TDRKH: variants seen among roughly 807,000 people sequenced by gnomAD.
TDRKH encodes the protein tudor and KH domain containing, also known as tudor and KH domain-containing protein.
In TDRKH, 28 loss-of-function variants were observed where a neutral mutation model predicts 61.3. The observed-to-expected ratio is 0.46, with a 90% CI of 0.34 to 0.63. The LOEUF (loss-of-function observed/expected upper bound fraction) is 0.63, where lower values mean the gene tolerates loss of function less well. TDRKH is among the 20% of genes least tolerant of loss of function. TDRKH has a pLI of 0.01. For synonymous variants in TDRKH, 219 were observed against 244.4 expected (o/e 0.90, Z 0.97); for missense variants, 540 against 683.4 (o/e 0.79, Z 2.34).
intron 3 of TDRKH, among the ~76,000 whole-genome samples, 155 bp downstream of exon 3, chr1:151,781,326 A>ATATATATATAT (rs1553282714): frequency 1.3e-4 from 3 of 22,312 alleles, no homozygotes; most frequent in Admixed American, 6.5e-4. Context: ...TCAAAAAAAA[A>ATATATATATAT]AAATATATAT....
downstream of TDRKH, chr1:151,766,743 C>T (rs1361550779): frequency 1.8e-5 from 28 of 1,554,482 alleles, no homozygotes; most frequent in Non-Finnish European, 2.4e-5. Flanking sequence ...GAGGTGTCGC[C>T]CCTCTGTCTA....
chr1:151,777,959 G>A (rs1211198497), intron 6 of TDRKH, among the ~76,000 whole-genome samples: 1 of 152,002 alleles, frequency 6.6e-6, no homozygotes, highest in Non-Finnish European at 1.5e-5. Context: ...ATTACCATTT[G>A]AAGTACTTTG....
At chr1:151,766,883 TA>T (rs1558130979), downstream of TDRKH, 1 of 1,607,082 alleles carries the variant, frequency 6.2e-7, no homozygotes, top group Non-Finnish European at 8.5e-7. Context: ...CTCGTTGTTA[TA>T]AAAGGTACTT....
intron 1 of TDRKH, among the ~76,000 whole-genome samples, chr1:151,790,011 T>C (rs1338941465): frequency 3.3e-5 from 5 of 152,190 alleles, no homozygotes; most frequent in African/African-American, 1.2e-4. Context: ...GCCATCCTAT[T>C]AGCGATAACT....
chr1:151,770,629 C>T, downstream of TDRKH: 1 of 247,578 alleles, frequency 4.0e-6, no homozygotes, highest in Non-Finnish European at 7.7e-6. Context: ...ATGCCTGGAG[C>T]ATATGTTACA....
chr1:151,774,119 T>C lies in TDRKH; in HGVS notation c.*333A>G, dbSNP rs959891102. 2 of 251,456 alleles carry C rather than the reference T, an allele frequency of 8.0e-6. No individual in the cohort carries two copies. The highest frequency in any genetic ancestry group is 1.5e-5 in the Non-Finnish European group (2 of 131,376). 15.6% of individuals were successfully genotyped at this position (251,456 alleles called of 1,614,324 possible). A position where few individuals can be genotyped will look rare whatever the true frequency, so the allele number is the denominator to read the frequency against. On this transcript the variant is annotated 3_prime_UTR_variant, in exon 13 of 13. Transcript: ENST00000368824. Reference sequence around the variant, plus strand: ...TTTTTGTAGTCTGATGGGAGGAGAATATTAATTTGGTCCACAGCAAGCCAG... The same window carrying C: ...TTTTTGTAGTCTGATGGGAGGAGAACATTAATTTGGTCCACAGCAAGCCAG...
Position 151,779,995 on chromosome 1 carries a change from G to C in TDRKH, c.377C>G (p.Ser126Cys). Reference protein sequence around the residue: ...HQILTENTPVSEQLSVPQRSV... With the variant: ...HQILTENTPVCEQLSVPQRSV... ...TCTCTGGGGAACTGAAAGCTGCTCA[G>C]ACACTGGGGTATTCTCTGTCAGGAT... Residue 126 changes from serine to cysteine, a missense_variant, in exon 4 of 13, where the codon TCT becomes TGT. This residue lies in a region of TDRKH where 156 missense variants were observed against 218.0 expected (regional missense o/e 0.72). Coordinates refer to ENST00000368824, the MANE Select transcript of TDRKH (RefSeq NM_001083965.2). 6.2e-7 allele frequency: 1 copy of C among 1,614,094 alleles called. No homozygotes were observed. The highest frequency in any genetic ancestry group is 8.5e-7 in the Non-Finnish European group (1 of 1,179,934).
At chr1:151,772,818 C>G (rs955188445), downstream of TDRKH, among the ~76,000 whole-genome samples, 1 of 152,146 alleles carries the variant, frequency 6.6e-6, no homozygotes, top group African/African-American at 2.4e-5. Flanking sequence ...TTAATCTGGG[C>G]CTTTTCTTTT....
At position 151,780,446 on chromosome 1, in the gene TDRKH, A is replaced by G. The variant is rs186308492; in HGVS notation, c.232-306T>C. Among the ~76,000 whole-genome samples, 4 of 152,346 alleles carry G rather than the reference A, an allele frequency of 2.6e-5. No individual in the cohort carries two copies. The East Asian group carries it at 7.7e-4, about 29-fold the overall frequency. ...AATTTTATTTGGATTAGAGAATCAA[A>G]TATTTTGTTTTCTTGACATTCCAGC... On this transcript the variant is annotated intron_variant, in intron 3 of 12. Transcript: ENST00000368824.
chr1:151,770,206 A>T (rs373450532), downstream of TDRKH: 2 of 1,613,788 alleles, frequency 1.2e-6, no homozygotes, highest in Non-Finnish European at 8.5e-7. Flanking sequence ...GGAAGAGAAG[A>T]CAAATGTGGA....
At chr1:151,767,094 A>T, downstream of TDRKH, 1 of 1,571,874 alleles carries the variant, frequency 6.4e-7, no homozygotes, top group Non-Finnish European at 8.7e-7. Context: ...ATCATGCCAG[A>T]GCCTGGTACT....
chr1:151,776,154 A>G lies in TDRKH; in HGVS notation c.1159T>C (p.Tyr387His), dbSNP rs1649151344. The G allele has an allele frequency of 6.2e-7, 1 of 1,614,148 alleles. No individual in the cohort carries two copies. The highest frequency in any genetic ancestry group is 8.5e-7 in the Non-Finnish European group (1 of 1,180,024). The change falls in exon 8 of 13, where the codon TAT becomes CAT. Residue 387 changes from tyrosine to histidine, a missense_variant. Transcript: ENST00000368824. ...GTLENGNLDL[Y>H]FVDFGDNGDC... is the part of the protein sequence containing the mutation. ...CCATTATCTCCAAAGTCAACAAAAT[A>G]GAGGTCCAAGTTCCCATTCTCCAAG...
intron 1 of TDRKH, among the ~76,000 whole-genome samples, chr1:151,784,730 T>C (rs1402371207): frequency 6.6e-6 from 1 of 152,120 alleles, no homozygotes; most frequent in Non-Finnish European, 1.5e-5. Flanking sequence ...CTCACTTTCT[T>C]GGTGATCTCA....
At chr1:151,771,067 C>T, downstream of TDRKH, 1 of 1,573,428 alleles carries the variant, frequency 6.4e-7, no homozygotes, top group Non-Finnish European at 8.6e-7. Context: ...TTTGTTCTAT[C>T]CTTTCACAGG....
chr1:151,780,124 C>T lies in TDRKH; in HGVS notation c.248G>A (p.Gly83Asp). Reference protein sequence around the residue: ...ANIKQLRKQTGARIDVDTEDV... With the variant: ...ANIKQLRKQTDARIDVDTEDV... ...CTCTGTGTCCACATCAATCCGAGCA[C>T]CTGTCTGTTTCCGCAGCTGCAAAGA... The change falls in exon 4 of 13, where the codon GGT becomes GAT. Residue 83 changes from glycine (G) to aspartate (D), a missense_variant. Gly to Asp is a moderately conservative substitution (Grantham distance 94, BLOSUM62 -1). Around this residue, in one of 3 missense-constraint regions of TDRKH, gnomAD observed 156 missense variants for 218.0 expected, o/e 0.72. Transcript: ENST00000368824. The T allele has an allele frequency of 2.5e-6, 4 of 1,611,834 alleles. No individual in the cohort carries two copies. Among genetic ancestry groups the T allele is most frequent in the Non-Finnish European group, 3.4e-6 (4 of 1,178,082 alleles).
At chr1:151,777,338 C>T (rs34586299) in intron 6 of TDRKH, among the ~76,000 whole-genome samples, 12,320 of 151,908 alleles carry the variant, frequency 0.081, 600 homozygotes, top group Non-Finnish European at 0.12. Context: ...CTCATCTACT[C>T]GGGAGGCTGA....
At chr1:151,780,588 C>T (rs191121038) in intron 3 of TDRKH, among the ~76,000 whole-genome samples, 9 of 152,288 alleles carry the variant, frequency 5.9e-5, no homozygotes, top group African/African-American at 2.2e-4. Flanking sequence ...CGGTGGCTCA[C>T]GCCTCTAATC....
downstream of TDRKH, chr1:151,766,942 T>C (rs1648379872): frequency 2.0e-6 from 3 of 1,490,526 alleles, no homozygotes; most frequent in Admixed American, 3.9e-5. Flanking sequence ...AAGGAAAAAG[T>C]AAAAGAATTT....
chr1:151,766,972 C>A, downstream of TDRKH: 1 of 1,403,836 alleles, frequency 7.1e-7, no homozygotes, highest in Non-Finnish European at 9.8e-7. Flanking sequence ...TCCCAAATGG[C>A]AAGAAATAAC....
Sources: gnomAD v4.1 joint callset for allele counts (sites outside exome capture counted in the v4.1 genomes callset) on GRCh38, gnomAD v4.1.1 for gene constraint, gnomAD v4.1.1 regional missense constraint, MANE v1.5 for transcripts, NCBI Gene and HGNC (gene_info 2026-07-23, HGNC 2026-07-21) for gene names.